The following TSPEAR variants were observed in gnomAD, a reference collection of about 807,000 sequenced individuals.
The protein encoded by TSPEAR is thrombospondin type laminin G domain and EAR repeats.
A neutral mutation model predicts 71.6 loss-of-function variants in TSPEAR; 69 were observed. The ratio of observed to expected loss-of-function variants is 0.96; its 90% CI spans 0.79 to 1.18. TSPEAR has a LOEUF of 1.18. Ranked by LOEUF, TSPEAR falls within the 50% of genes most tolerant of loss-of-function variation. The probability of loss-of-function intolerance (pLI) is 0.00; values close to 1 mark genes in which losing one functional copy is unlikely to be tolerated. For synonymous variants in TSPEAR, 402 were observed against 387.2 expected, an observed-to-expected ratio of 1.04 and a Z score of -0.45; for missense variants, 971 against 894.9, an observed-to-expected ratio of 1.09 and a Z score of -1.09.
At chr21:44,559,146 G>A (rs2053597371) in intron 2 of TSPEAR, among the ~76,000 whole-genome samples, 1 of 152,208 alleles carries the variant, frequency 6.6e-6, no homozygotes, top group Admixed American at 6.5e-5. Context: ...CACCTAAGGA[G>A]GGATGAGGTT....
chr21:44,658,333 AC>A, intron 1 of TSPEAR: 2 of 1,489,068 alleles, frequency 1.3e-6, no homozygotes, highest in Non-Finnish European at 9.3e-7. Context: ...CATCTGGTGG[AC>A]CCCCAGATTG....
intron 1 of TSPEAR, chr21:44,702,385 C>CCAGCGCCTCCCAATCAGGCTGCA (rs1555951671): frequency 9.3e-7 from 1 of 1,077,316 alleles, no homozygotes. Context: ...AGCCTGTGAG[C>CCAGCGCCTCCCAATCAGGCTGCA]CCAGCTCCTG....
At chr21:44,530,457 A>G (rs1555915623) in intron 4 of TSPEAR, among the ~76,000 whole-genome samples, 1 of 151,134 alleles carries the variant, frequency 6.6e-6, no homozygotes, top group Non-Finnish European at 1.5e-5. Flanking sequence ...TCATCTCTCC[A>G]CGCATCCATC....
intron 1 of TSPEAR, among the ~76,000 whole-genome samples, chr21:44,663,677 TTAA>T (rs1281216503): frequency 2.2e-4 from 34 of 152,154 alleles, no homozygotes; most frequent in African/African-American, 7.7e-4. Context: ...CTATATACTA[TTAA>T]TAATATCTCT....
chr21:44,574,195 G>T, intron 1 of TSPEAR: 1 of 1,613,366 alleles, frequency 6.2e-7, no homozygotes, highest in South Asian at 1.1e-5. Flanking sequence ...TCAGCTTGCT[G>T]CACCTCCTCC....
At chr21:44,631,586 C>T (rs981186234) in intron 1 of TSPEAR, among the ~76,000 whole-genome samples, 8 of 152,156 alleles carry the variant, frequency 5.3e-5, no homozygotes, top group Non-Finnish European at 7.4e-5. Context: ...AATAGCTGGG[C>T]GTGGTGGCTC....
At chr21:44,707,807 G>T (rs1178653351) in intron 1 of TSPEAR, among the ~76,000 whole-genome samples, 1 of 152,068 alleles carries the variant, frequency 6.6e-6, no homozygotes, top group African/African-American at 2.4e-5. Context: ...ATTCATTTCA[G>T]AACATGAATG....
chr21:44,677,612 A>C, intron 1 of TSPEAR: 1 of 1,095,236 alleles, frequency 9.1e-7, no homozygotes, highest in Non-Finnish European at 1.4e-6. Context: ...CAGGGTGATC[A>C]GTTTTTAAAG....
intron 2 of TSPEAR, among the ~76,000 whole-genome samples, chr21:44,554,114 T>TA (rs2053488882): frequency 6.6e-6 from 1 of 152,174 alleles, no homozygotes. Context: ...CTAATTCCAA[T>TA]ATGATGGTAT....
intron 2 of TSPEAR, chr21:44,551,498 G>C: frequency 1.4e-6 from 2 of 1,427,342 alleles, no homozygotes; most frequent in Non-Finnish European, 1.8e-6. Context: ...AGGTGTGTGA[G>C]TGAGTGAGTG....
In TSPEAR at chr21:44,589,061, C is replaced by T. The variant is rs587772471; in HGVS notation, c.83-21056G>A. 6.3e-3 allele frequency among the ~76,000 whole-genome samples: 962 copies of T among 152,062 alleles called. 13 individuals carry two copies. The highest frequency in any genetic ancestry group is 0.013 in the African/African-American group (524 of 41,440). On this transcript the variant is annotated intron_variant, in intron 1 of 11. Coordinates refer to ENST00000323084, the MANE Select transcript of TSPEAR (RefSeq NM_144991.3). ...CAAATAGGGTGCAGTGTATACTGCT[C>T]GAATGATGGGTGCACCAAAATCTCA... is the stretch of plus-strand genomic sequence containing the variant.
At chr21:44,551,175 C>A (rs1412051566) in intron 2 of TSPEAR, 2 of 1,573,014 alleles carry the variant, frequency 1.3e-6, no homozygotes, top group African/African-American at 2.7e-5. Flanking sequence ...GGCCTGCTGG[C>A]AGGGGGAGGA....
At chr21:44,679,458 A>G (rs1555947568) in intron 1 of TSPEAR, among the ~76,000 whole-genome samples, 1 of 152,230 alleles carries the variant, frequency 6.6e-6, no homozygotes, top group African/African-American at 2.4e-5. Flanking sequence ...ATATTGTTAG[A>G]AAGATCATAC....
rs1408642943 is a variant in TSPEAR at position 44,530,947 on chromosome 21, G to A, written c.633+96C>T. 2.5e-5 allele frequency: 25 copies of A among 983,592 alleles called. 1 individual carries two copies. Among genetic ancestry groups the A allele is most frequent in the Middle Eastern group, 2.7e-4 (1 of 3,764 alleles). The allele number at this position is 983,592 out of a possible 1,614,324, so 60.9% of individuals were successfully genotyped here. Reference sequence around the variant, plus strand: ...TGTACCTTCTTTTCCCAGTTAGCACGTCCAAGGATCTGTCAACTAGAGCAG... The same window carrying A: ...TGTACCTTCTTTTCCCAGTTAGCACATCCAAGGATCTGTCAACTAGAGCAG... On this transcript the variant is annotated intron_variant, in intron 4 of 11. Transcript: ENST00000323084.
chr21:44,510,266 G>A (rs1381775437), intron 9 of TSPEAR, among the ~76,000 whole-genome samples: 1 of 152,180 alleles, frequency 6.6e-6, no homozygotes, highest in African/African-American at 2.4e-5. Context: ...GGATCCCTGC[G>A]CACGGTCCCA....
intron 3 of TSPEAR, among the ~76,000 whole-genome samples, chr21:44,532,786 A>G (rs1555915894): frequency 6.6e-6 from 1 of 152,238 alleles, no homozygotes; most frequent in African/African-American, 2.4e-5. Context: ...CCGTCAGGCC[A>G]CAAACCAGGC....
chr21:44,605,839 G>A (rs1417034523), intron 1 of TSPEAR, among the ~76,000 whole-genome samples: 1 of 152,170 alleles, frequency 6.6e-6, no homozygotes, highest in Admixed American at 6.5e-5. Context: ...GACCTGAAAT[G>A]TGATACTGCT....
chr21:44,706,129 T>A (rs1345084977), intron 1 of TSPEAR, among the ~76,000 whole-genome samples: 1 of 151,650 alleles, frequency 6.6e-6, no homozygotes, highest in Non-Finnish European at 1.5e-5. Flanking sequence ...CGAGCACAGG[T>A]CCCCCCAGAC....
At chr21:44,702,602 C>A in intron 1 of TSPEAR, 4 of 1,605,896 alleles carry the variant, frequency 2.5e-6, no homozygotes, top group Non-Finnish European at 3.4e-6. Context: ...TGCTGCAGAC[C>A]CTCCTCCTCT....
Sources: allele counts gnomAD v4.1 joint callset (sites outside exome capture counted in the v4.1 genomes callset), GRCh38; gene constraint gnomAD v4.1.1; transcripts MANE v1.5; gene names NCBI Gene and HGNC (gene_info 2026-07-23, HGNC 2026-07-21).